The following GRPEL1 variants were observed in gnomAD, a reference collection of about 807,000 sequenced individuals.
GRPEL1 encodes the protein GrpE like 1, mitochondrial.
Under a neutral mutation model 22.1 loss-of-function variants are expected in GRPEL1, and 13 were observed. The ratio of observed to expected loss-of-function variants is 0.59; its 90% CI spans 0.38 to 0.94. GRPEL1 has a LOEUF of 0.94. Ranked by LOEUF, GRPEL1 falls within the 40% of genes least tolerant of loss-of-function variation. The pLI is 0.00. For missense variants in GRPEL1, 289 were observed against 264.6 expected (o/e 1.09, Z -0.64); for synonymous variants, 109 against 105.3 (o/e 1.03, Z -0.21).
chr4:7,066,003 A>G (rs1419517916), intron 1 of GRPEL1, among the ~76,000 whole-genome samples: 1 of 152,032 alleles, frequency 6.6e-6, no homozygotes, highest in African/African-American at 2.4e-5. Context: ...ATAGGCGTCC[A>G]CCAACACGCT....
chr4:7,065,496 A>G (rs2108792952), intron 1 of GRPEL1, among the ~76,000 whole-genome samples: 1 of 151,778 alleles, frequency 6.6e-6, no homozygotes, highest in South Asian at 2.1e-4. Context: ...CCTGGGCGAC[A>G]AGAGGGAAAC....
chr4:7,064,584 G>A (rs1724123690), intron 1 of GRPEL1, among the ~76,000 whole-genome samples: 1 of 151,902 alleles, frequency 6.6e-6, no homozygotes, highest in African/African-American at 2.4e-5. Context: ...CCAAACTGAA[G>A]TGCAGTGCAA....
At chr4:7,063,939 G>T (rs1054544692) in intron 2 of GRPEL1, 122 bp downstream of exon 2, 4 of 1,133,114 alleles carry the variant, frequency 3.5e-6, no homozygotes, top group Non-Finnish European at 4.8e-6. Context: ...CCCACTGCAG[G>T]CCATGGACAA....
chr4:7,067,979 C>T lies in GRPEL1; in HGVS notation c.54G>A (p.Leu18=). The T allele has an allele frequency of 6.2e-7, 1 of 1,613,518 alleles. No homozygotes were observed. Among genetic ancestry groups the T allele is most frequent in the Non-Finnish European group, 8.5e-7 (1 of 1,179,912 alleles). ...GACCAAGTGCCCCTTACCTGAGAGACAACGCCAAAGCAGGAAGACTGCGCC... is the reference window on the plus strand; with the variant it reads ...GACCAAGTGCCCCTTACCTGAGAGATAACGCCAAAGCAGGAAGACTGCGCC... The part of the protein sequence containing the change: ...LARRSLPALA[L]SLRPSPRLLC... Residue 18 remains leucine (L), a synonymous_variant, in exon 1 of 4, where the codon TTG becomes TTA. Transcript: ENST00000264954.
Position 7,064,179 on chromosome 4 carries a change from C to A in GRPEL1, c.107G>T (p.Ser36Ile), listed in dbSNP as rs1050565985. ...LLCTATKQKN[S>I]GQNLEEDMGQ... Reference sequence around the variant, plus strand: ...CATGTCCTCTTCCAGGTTCTGGCCACTGTTCTTTTGTTTCGTGGCTGTGCA... The same window carrying A: ...CATGTCCTCTTCCAGGTTCTGGCCAATGTTCTTTTGTTTCGTGGCTGTGCA... The change falls in exon 2 of 4, where the codon AGT becomes ATT. Residue 36 changes from serine to isoleucine, a missense_variant. Ser to Ile is a moderately radical substitution (Grantham distance 142). Transcript: ENST00000264954. 6.2e-7 allele frequency: 1 copy of A among 1,614,112 alleles called. No homozygotes were observed. The highest frequency in any genetic ancestry group is 8.5e-7 in the Non-Finnish European group (1 of 1,179,976).
In GRPEL1 at chr4:7,059,019, TACAC is replaced by T. The variant is rs1723965941; in HGVS notation, c.*1839_*1842del. On this transcript the variant is annotated 3_prime_UTR_variant, in exon 4 of 4. Transcript: ENST00000264954. ...CTCCAGTCTAGAGCAACAGGCTACA[TACAC>T]CATATAGCCTAGGTGTGGAGGAGGC... The T allele has an allele frequency of 6.6e-6, 1 of 152,234 alleles. No individual in the cohort carries two copies. The highest frequency in any genetic ancestry group is 1.5e-5 in the Non-Finnish European group (1 of 68,052). The allele number at this position is 152,234 out of a possible 1,614,324, so 9.4% of individuals were successfully genotyped here.
rs1724145378 is a variant in GRPEL1 at position 7,065,505 on chromosome 4, ACT to A, written c.63-1284_63-1283del. On this transcript the variant is annotated intron_variant, in intron 1 of 3. Transcript: ENST00000264954. ...CTCCAGCCTGGGCGACAAGAGGGAA[ACT>A]CTGTCTCAAAAAAAAAAAAAAGTGA... Among the ~76,000 whole-genome samples the A allele has an allele frequency of 2.7e-5, 4 of 149,392 alleles. No homozygotes were observed. In the South Asian group the frequency reaches 8.5e-4, roughly 32 times the overall value.
chr4:7,062,739 C>A (rs1724076323), intron 2 of GRPEL1, among the ~76,000 whole-genome samples: 1 of 152,004 alleles, frequency 6.6e-6, no homozygotes, highest in South Asian at 2.1e-4. Flanking sequence ...GTCTCCATCT[C>A]CTGACCTTGT....
chr4:7,068,052 A>G lies in GRPEL1; in HGVS notation c.-20T>C. 1 of 1,611,572 alleles carries G rather than the reference A, an allele frequency of 6.2e-7. No homozygotes were observed. The highest frequency in any genetic ancestry group is 8.5e-7 in the Non-Finnish European group (1 of 1,179,090). ...CGCCATGACTGCCACTGCCCGTCGCAGTCGCCGCGCACGCACCAAGCGTGC... is the reference window on the plus strand; with the variant it reads ...CGCCATGACTGCCACTGCCCGTCGCGGTCGCCGCGCACGCACCAAGCGTGC... On this transcript the variant is annotated 5_prime_UTR_variant, in exon 1 of 4. Transcript: ENST00000264954.
rs773596752 is a variant in GRPEL1, at chr4:7,064,110, G to T, written c.176C>A (p.Thr59Asn). The change falls in exon 2 of 4, where the codon ACC becomes AAC. Residue 59 changes from threonine to asparagine, a missense_variant. Physicochemically the swap from Thr to Asn is moderately conservative, Grantham distance 65. Transcript: ENST00000264954. The part of the protein sequence containing the change: ...QKADPPATEK[T>N]LLEEKVKLEE... ...CAACTTGACCTTCTCTTCCAGGAGG[G>T]TCTTCTCTGTAGCAGGAGGATCTGC... 45 of 1,614,094 alleles carry T rather than the reference G, an allele frequency of 2.8e-5. No individual in the cohort carries two copies. In the East Asian group the frequency reaches 9.6e-4, roughly 34 times the overall value.
At position 7,067,833 on chromosome 4, in the gene GRPEL1, G is replaced by A; in HGVS notation, c.62+138C>T. ...GCCCCAGCGGGGCGGTCCGCGTCCC[G>A]CGGCGGGGAACCGCGAGCCCGGAGA... On this transcript the variant is annotated intron_variant, in intron 1 of 3. Coordinates refer to ENST00000264954, the MANE Select transcript of GRPEL1 (RefSeq NM_025196.4). The A allele has an allele frequency of 1.1e-5, 10 of 870,610 alleles. No homozygotes were observed. In the South Asian group the frequency reaches 1.4e-4, roughly 13 times the overall value. The allele number at this position is 870,610 out of a possible 1,614,324, so 53.9% of individuals were successfully genotyped here.
intron 1 of GRPEL1, among the ~76,000 whole-genome samples, chr4:7,066,264 G>A (rs189173878): frequency 6.6e-6 from 1 of 152,314 alleles, no homozygotes; most frequent in Admixed American, 6.5e-5. Context: ...CACTGCGAGC[G>A]ACAAGTTGGA....
rs1723998829 is a variant in GRPEL1 at position 7,059,975 on chromosome 4, T to TAG, written c.*885_*886dup. ...CAAGCTGACAGCTTCTGGGCTGGAGTAGAGAATGGGAAGGCTAAGCCATGC... is the reference window on the plus strand; with the variant it reads ...CAAGCTGACAGCTTCTGGGCTGGAGTAGAGAGAATGGGAAGGCTAAGCCATGC... On this transcript the variant is annotated 3_prime_UTR_variant, in exon 4 of 4. Transcript: ENST00000264954. 1 of 151,908 alleles carries TAG rather than the reference T, an allele frequency of 6.6e-6. No homozygotes were observed. The allele number at this position is 151,908 out of a possible 1,614,324, so 9.4% of individuals were successfully genotyped here. A position where few individuals can be genotyped will look rare whatever the true frequency, so the allele number is the denominator to read the frequency against.
In GRPEL1 at chr4:7,060,621, C is replaced by T. The variant is rs1244743642; in HGVS notation, c.*241G>A. 3.7e-6 allele frequency: 2 copies of T among 536,848 alleles called. No homozygotes were observed. The highest frequency in any genetic ancestry group is 1.9e-5 in the African/African-American group (1 of 52,824). 33.3% of individuals were successfully genotyped at this position (536,848 alleles called of 1,614,324 possible). ...GATGCTCGGGAGACCAGGCAGGGCC[C>T]TGCTGAGCTCTTCTGAAAGTATGTG... On this transcript the variant is annotated 3_prime_UTR_variant, in exon 4 of 4. Transcript: ENST00000264954.
chr4:7,066,903 G>A (rs1160725550), intron 1 of GRPEL1, among the ~76,000 whole-genome samples: 1 of 152,226 alleles, frequency 6.6e-6, no homozygotes, highest in Non-Finnish European at 1.5e-5. Flanking sequence ...AAATGATGCT[G>A]ACTTGGTGGT....
intron 1 of GRPEL1, among the ~76,000 whole-genome samples, chr4:7,065,605 G>A (rs1348616253): frequency 1.3e-5 from 2 of 152,112 alleles, no homozygotes; most frequent in African/African-American, 4.8e-5. Context: ...CTAGCTTGGG[G>A]AATGGAAAAC....
chr4:7,063,244 C>G lies in GRPEL1; in HGVS notation c.226-778G>C, dbSNP rs1013904300. 2.2e-4 allele frequency among the ~76,000 whole-genome samples: 34 copies of G among 152,128 alleles called. No individual in the cohort carries two copies. The East Asian group carries it at 6.4e-3, about 29-fold the overall frequency. ...TGCTGGGACTACAGGAGTGCACCAC[C>G]ACGCCCAGCTAATTTTTAATTTTTT... On this transcript the variant is annotated intron_variant, in intron 2 of 3. Transcript: ENST00000264954.
In GRPEL1 at chr4:7,060,608, A is replaced by C; in HGVS notation, c.*254T>G. ...ACACGTTACTCATGATGCTCGGGAGACCAGGCAGGGCCCTGCTGAGCTCTT... is the reference window on the plus strand; with the variant it reads ...ACACGTTACTCATGATGCTCGGGAGCCCAGGCAGGGCCCTGCTGAGCTCTT... On this transcript the variant is annotated 3_prime_UTR_variant, in exon 4 of 4. Coordinates refer to ENST00000264954, the MANE Select transcript of GRPEL1 (RefSeq NM_025196.4). The C allele has an allele frequency of 2.0e-6, 1 of 506,200 alleles. No individual in the cohort carries two copies. Among genetic ancestry groups the C allele is most frequent in the Non-Finnish European group, 3.5e-6 (1 of 285,792 alleles). The allele number at this position is 506,200 out of a possible 1,614,324, so 31.4% of individuals were successfully genotyped here.
rs1724029815 is a variant in GRPEL1, at chr4:7,061,041, C to T, written c.475G>A (p.Gly159Ser). The change falls in exon 4 of 4, where the codon GGC becomes AGC. Residue 159 changes from glycine to serine, a missense_variant. Gly to Ser is a moderately conservative substitution (Grantham distance 56). Transcript: ENST00000264954. ...VQIQKVFTKH[G>S]LLKLNPVGAK... is the part of the protein sequence containing the mutation. ...CCGACAGGGTTCAACTTGAGCAAGC[C>T]ATGCTTTGTGAACACCTTCTGGATC... The T allele has an allele frequency of 6.2e-7, 1 of 1,614,212 alleles. No individual in the cohort carries two copies. Among genetic ancestry groups the T allele is most frequent in the African/African-American group, 1.3e-5 (1 of 75,046 alleles).
Sources: gnomAD v4.1 joint callset for allele counts (sites outside exome capture counted in the v4.1 genomes callset) on GRCh38, gnomAD v4.1.1 for gene constraint, MANE v1.5 for transcripts, NCBI Gene and HGNC (gene_info 2026-07-23, HGNC 2026-07-21) for gene names.